PTPRK: variants seen among roughly 807,000 people sequenced by gnomAD.
The protein encoded by PTPRK is receptor-type tyrosine-protein phosphatase kappa.
A neutral mutation model predicts 178.0 loss-of-function variants in PTPRK; 75 were observed. That is an observed-to-expected ratio of 0.42 (90% CI 0.35 to 0.51). PTPRK has a LOEUF of 0.51. PTPRK is among the 20% of genes least tolerant of loss of function. PTPRK has a pLI of 0.02. For missense variants in PTPRK, 1,441 were observed against 1,797.8 expected (o/e 0.80, Z 3.59); for synonymous variants, 637 against 620.6 (o/e 1.03, Z -0.39).
At chr6:128,342,271 G>A (rs369123654) in intron 2 of PTPRK, among the ~76,000 whole-genome samples, 9 of 152,014 alleles carry the variant, frequency 5.9e-5, no homozygotes, top group African/African-American at 1.9e-4. Context: ...AAAGAGAAGA[G>A]AAGAGAAGAG....
intron 7 of PTPRK, among the ~76,000 whole-genome samples, chr6:128,094,934 G>A (rs1424232610): frequency 6.6e-6 from 1 of 152,074 alleles, no homozygotes; most frequent in Non-Finnish European, 1.5e-5. Context: ...GGGAGAAAGA[G>A]GGAAACGGAA....
At position 128,282,282 on chromosome 6, in the gene PTPRK, TATC is replaced by T. The variant is rs1821798625; in HGVS notation, c.496-39683_496-39681del. 2.0e-5 allele frequency among the ~76,000 whole-genome samples: 3 copies of T among 152,328 alleles called. No homozygotes were observed. In the South Asian group the frequency reaches 6.2e-4, roughly 32 times the overall value. ...TACCTGACTAGATTTCCACAAATAT[TATC>T]AGTATATAAACATAAAAGTACTAAT... On this transcript the variant is annotated intron_variant, in intron 3 of 29. Coordinates refer to ENST00000368226, the MANE Select transcript of PTPRK (RefSeq NM_002844.4).
At chr6:128,349,635 G>A (rs1357015064) in intron 2 of PTPRK, among the ~76,000 whole-genome samples, 3 of 150,124 alleles carry the variant, frequency 2.0e-5, no homozygotes, top group South Asian at 2.1e-4. Context: ...TATTCACACC[G>A]TTCAAAAAAA....
At chr6:127,973,523 T>C in intron 28 of PTPRK, 141 bp downstream of exon 28, 2 of 906,398 alleles carry the variant, frequency 2.2e-6, no homozygotes, top group Non-Finnish European at 1.6e-6. Flanking sequence ...TAGTTAATTA[T>C]AGACTCATGA....
intron 2 of PTPRK, among the ~76,000 whole-genome samples, chr6:128,344,530 G>A (rs968670553): frequency 3.3e-5 from 5 of 151,750 alleles, no homozygotes; most frequent in Admixed American, 6.6e-5. Context: ...ATCACTCCTC[G>A]TGATTTTTTT....
At chr6:128,021,966 T>A (rs1023138928) in intron 13 of PTPRK, among the ~76,000 whole-genome samples, 7 of 152,250 alleles carry the variant, frequency 4.6e-5, no homozygotes, top group African/African-American at 1.7e-4. Context: ...TTCCTGTGTG[T>A]GTTTTCCATT....
intron 1 of PTPRK, among the ~76,000 whole-genome samples, chr6:128,456,333 C>CTT (rs1429527293): frequency 6.6e-6 from 1 of 151,876 alleles, no homozygotes; most frequent in Non-Finnish European, 1.5e-5. Context: ...TGAGGCCAGC[C>CTT]TTATGACAAG....
chr6:128,181,291 A>T (rs1801869404), intron 7 of PTPRK, among the ~76,000 whole-genome samples: 1 of 152,140 alleles, frequency 6.6e-6, no homozygotes, highest in Admixed American at 6.6e-5. Flanking sequence ...ATACCTTAAA[A>T]TGGAATTTTA....
chr6:128,321,787 C>G, intron 3 of PTPRK: 1 of 705,138 alleles, frequency 1.4e-6, no homozygotes, highest in Non-Finnish European at 2.6e-6. Context: ...AATACTTTCT[C>G]TAGTTTGAAG....
intron 7 of PTPRK, among the ~76,000 whole-genome samples, chr6:128,178,077 A>G (rs919888355): frequency 6.6e-6 from 1 of 151,894 alleles, no homozygotes; most frequent in African/African-American, 2.4e-5. Context: ...GTAAGGAATT[A>G]TGGATAAGGC....
chr6:128,157,716 C>T (rs913958071), intron 7 of PTPRK, among the ~76,000 whole-genome samples: 3 of 151,932 alleles, frequency 2.0e-5, no homozygotes, highest in African/African-American at 4.8e-5. Flanking sequence ...TTTCATGTGT[C>T]TACTGGCTGC....
chr6:128,428,288 C>T (rs1159624925), intron 1 of PTPRK, among the ~76,000 whole-genome samples: 2 of 152,118 alleles, frequency 1.3e-5, no homozygotes, highest in Non-Finnish European at 2.9e-5. Flanking sequence ...GGACTTCCAT[C>T]GCTAAGCATC....
intron 13 of PTPRK, among the ~76,000 whole-genome samples, chr6:128,023,835 CTT>C (rs79086877): frequency 1.8e-4 from 25 of 141,158 alleles, no homozygotes; most frequent in Admixed American, 1.4e-4. Flanking sequence ...TTCTTTCTTT[CTT>C]TTTTTTTTTT....
chr6:128,320,102 T>C (rs1271742439), intron 3 of PTPRK, among the ~76,000 whole-genome samples: 1 of 152,142 alleles, frequency 6.6e-6, no homozygotes, highest in Non-Finnish European at 1.5e-5. Flanking sequence ...ATCTCCAAAA[T>C]GATGTCACTG....
chr6:128,258,750 A>G (rs1817726523), intron 3 of PTPRK, among the ~76,000 whole-genome samples: 1 of 152,208 alleles, frequency 6.6e-6, no homozygotes, highest in Admixed American at 6.5e-5. Context: ...CTGAGAAGGC[A>G]AAATATGAGT....
intron 21 of PTPRK, among the ~76,000 whole-genome samples, chr6:127,986,286 C>T (rs1775966602): frequency 6.6e-6 from 1 of 152,156 alleles, no homozygotes; most frequent in African/African-American, 2.4e-5. Context: ...CTTCTCACCT[C>T]ACAAAGAGAT....
chr6:128,436,497 T>A (rs1845616988), intron 1 of PTPRK, among the ~76,000 whole-genome samples: 1 of 152,194 alleles, frequency 6.6e-6, no homozygotes, highest in Non-Finnish European at 1.5e-5. Context: ...ATGCTTTCAG[T>A]ATATACTGAC....
At chr6:128,158,728 G>A (rs535952180) in intron 7 of PTPRK, among the ~76,000 whole-genome samples, 10 of 151,900 alleles carry the variant, frequency 6.6e-5, no homozygotes, top group African/African-American at 1.2e-4. Context: ...TACTTGACCC[G>A]TTAAGTCACT....
chr6:128,219,359 G>C lies in PTPRK; in HGVS notation c.694-263C>G, dbSNP rs751290056. 3.8e-4 allele frequency among the ~76,000 whole-genome samples: 58 copies of C among 152,192 alleles called. 1 individual carries two copies. The highest frequency in any genetic ancestry group is 1.5e-4 in the Non-Finnish European group (10 of 68,038). On this transcript the variant is annotated intron_variant, in intron 5 of 29. Coordinates refer to ENST00000368226, the MANE Select transcript of PTPRK (RefSeq NM_002844.4). Reference sequence around the variant, plus strand: ...GAGGGGATGATTTCAGGATGAAACTGTTCCACCTCAAATCATCAGGCATTA... The same window carrying C: ...GAGGGGATGATTTCAGGATGAAACTCTTCCACCTCAAATCATCAGGCATTA...
Sources: gnomAD v4.1 joint callset for allele counts (sites outside exome capture counted in the v4.1 genomes callset) on GRCh38, gnomAD v4.1.1 for gene constraint, MANE v1.5 for transcripts, NCBI Gene and HGNC (gene_info 2026-07-23, HGNC 2026-07-21) for gene names.